Variants in PARD3B observed in about 807,000 individuals in gnomAD.
PARD3B encodes the protein partitioning defective 3 homolog B.
Under a neutral mutation model 130.2 loss-of-function variants are expected in PARD3B, and 103 were observed. That is an observed-to-expected ratio of 0.79 (90% CI 0.67 to 0.93). The LOEUF is 0.93. Among genes scored for constraint, PARD3B ranks in the 40% least tolerant of loss-of-function variants. The pLI is 0.00. For synonymous variants in PARD3B, 583 were observed against 553.2 expected (o/e 1.05, Z -0.76); for missense variants, 1,609 against 1,499.2 (o/e 1.07, Z -1.21).
rs2051289906 is a variant in PARD3B, at chr2:205,525,346, G to A, written c.3180+25315G>A. On this transcript the variant is annotated intron_variant, in intron 21 of 22. Transcript: ENST00000406610. This position sits in a 1 kb window ranked among gnomAD's most constrained non-coding sequence, Gnocchi z 4.2. ...GTCACATGTCACCATAACTTCAGTA[G>A]GGCTAAGCTGGAAAGGCCAAAGAAA... is the stretch of plus-strand genomic sequence containing the variant. Among the ~76,000 whole-genome samples the A allele has an allele frequency of 6.6e-6, 1 of 152,104 alleles. No individual in the cohort carries two copies. The highest frequency in any genetic ancestry group is 6.5e-5 in the Admixed American group (1 of 15,268).
At chr2:205,586,827 CA>C (rs2054213348) in intron 22 of PARD3B, among the ~76,000 whole-genome samples, 1 of 151,996 alleles carries the variant, frequency 6.6e-6, no homozygotes, top group Non-Finnish European at 1.5e-5. Flanking sequence ...AAGGCCATTG[CA>C]AAATTTCAGT....
chr2:205,121,581 T>C lies in PARD3B; in HGVS notation c.807-10T>C. 1 of 1,608,546 alleles carries C rather than the reference T, an allele frequency of 6.2e-7. No homozygotes were observed. The highest frequency in any genetic ancestry group is 8.5e-7 in the Non-Finnish European group (1 of 1,175,932). On this transcript the variant is annotated splice_polypyrimidine_tract_variant and intron_variant, in intron 7 of 22. Transcript: ENST00000406610. This position sits in a 1 kb window ranked among gnomAD's most constrained non-coding sequence, Gnocchi z 5.0. ...CAGGGTCATCATACATTTATCAACTTTCTTTCCAGGGCTCAAGATGTCTTC... is the reference window on the plus strand; with the variant it reads ...CAGGGTCATCATACATTTATCAACTCTCTTTCCAGGGCTCAAGATGTCTTC...
intron 22 of PARD3B, among the ~76,000 whole-genome samples, chr2:205,594,114 CA>C (rs1420832527): frequency 1.3e-5 from 2 of 152,116 alleles, no homozygotes; most frequent in Non-Finnish European, 2.9e-5. Flanking sequence ...CTGGCAGGGC[CA>C]TGAAATTATA....
intron 22 of PARD3B, among the ~76,000 whole-genome samples, chr2:205,586,514 G>T (rs1486270878): frequency 6.6e-6 from 1 of 152,158 alleles, no homozygotes; most frequent in East Asian, 1.9e-4. Flanking sequence ...GGTCTGGCCT[G>T]ACCTTTCCTT....
In PARD3B at chr2:205,241,308, A is replaced by G. The variant is rs539223131; in HGVS notation, c.2141-4470A>G. Among the ~76,000 whole-genome samples the G allele has an allele frequency of 3.3e-5, 5 of 152,286 alleles. No homozygotes were observed. The East Asian group carries it at 9.6e-4, about 29-fold the overall frequency. On this transcript the variant is annotated intron_variant, in intron 15 of 22. Transcript: ENST00000406610. The surrounding 1 kb of genome is among the most constrained non-coding windows in gnomAD (Gnocchi z 4.2). The stretch of plus-strand genomic sequence containing the variant: ...CTTGAATTGAATATGAGGAAGCATG[A>G]GGTTAGTCTAGAAATCCTATTATCT...
At chr2:205,059,564 T>C (rs1447398102) in intron 4 of PARD3B, among the ~76,000 whole-genome samples, 2 of 152,076 alleles carry the variant, frequency 1.3e-5, no homozygotes, top group African/African-American at 4.8e-5. Context: ...TTCCCACTGA[T>C]GGCATGCTGG....
intron 19 of PARD3B, among the ~76,000 whole-genome samples, chr2:205,426,692 G>A (rs1169648823): frequency 6.6e-6 from 1 of 152,172 alleles, no homozygotes; most frequent in Admixed American, 6.5e-5. Context: ...GTCAGTCAGA[G>A]CTATGCTATT....
intron 22 of PARD3B, among the ~76,000 whole-genome samples, chr2:205,602,160 T>G (rs2054812362): frequency 6.6e-6 from 1 of 152,234 alleles, no homozygotes; most frequent in Non-Finnish European, 1.5e-5. Context: ...TCAGTTCTAT[T>G]TGTGTGATGA....
chr2:204,910,761 C>T (rs775904785), intron 2 of PARD3B, among the ~76,000 whole-genome samples: 3 of 152,156 alleles, frequency 2.0e-5, no homozygotes, highest in Admixed American at 6.5e-5. Flanking sequence ...CCTGCCTCAG[C>T]CTCATGAGTA....
intron 2 of PARD3B, among the ~76,000 whole-genome samples, chr2:204,734,954 TA>T (rs991950538): frequency 6.6e-6 from 1 of 151,876 alleles, no homozygotes; most frequent in African/African-American, 2.4e-5. Flanking sequence ...GGAAAAGAGG[TA>T]GGGGTGATGG....
chr2:204,987,088 A>G lies in PARD3B; in HGVS notation c.394+21765A>G, dbSNP rs921552145. 3.3e-5 allele frequency among the ~76,000 whole-genome samples: 5 copies of G among 152,188 alleles called. No individual in the cohort carries two copies. In the East Asian group the frequency reaches 5.8e-4, roughly 18 times the overall value. ...ATTAAATGGCACTCTCATGTACTAT[A>G]AGAGTTAACACAACTTCCAAAGGTG... On this transcript the variant is annotated intron_variant, in intron 3 of 22. Coordinates refer to ENST00000406610, the MANE Select transcript of PARD3B (RefSeq NM_001302769.2).
At position 205,301,391 on chromosome 2, in the gene PARD3B, A is replaced by T; in HGVS notation, c.2393-73A>T. Reference sequence around the variant, plus strand: ...TGTTATTCATTCTTTTGCATTTTACATGTTAGCGTTTCTCTGTATACTAAC... The same window carrying T: ...TGTTATTCATTCTTTTGCATTTTACTTGTTAGCGTTTCTCTGTATACTAAC... On this transcript the variant is annotated intron_variant, in intron 17 of 22. Coordinates refer to ENST00000406610, the MANE Select transcript of PARD3B (RefSeq NM_001302769.2). The surrounding 1 kb of genome is among the most constrained non-coding windows in gnomAD (Gnocchi z 5.2). The T allele has an allele frequency of 6.5e-7, 1 of 1,540,814 alleles. No individual in the cohort carries two copies. The highest frequency in any genetic ancestry group is 8.7e-7 in the Non-Finnish European group (1 of 1,150,168).
chr2:204,899,472 T>A (rs1034762387), intron 2 of PARD3B, among the ~76,000 whole-genome samples: 3 of 152,180 alleles, frequency 2.0e-5, no homozygotes, highest in African/African-American at 7.2e-5. Context: ...TACCACTGAT[T>A]GCGTAAGCAT....
intron 20 of PARD3B, among the ~76,000 whole-genome samples, chr2:205,494,918 G>C (rs2049868700): frequency 6.6e-6 from 1 of 152,160 alleles, no homozygotes; most frequent in Non-Finnish European, 1.5e-5. Context: ...GCTTAAATGA[G>C]ATGAGGTATG....
chr2:204,986,260 C>A (rs922438383), intron 3 of PARD3B, among the ~76,000 whole-genome samples: 1 of 152,088 alleles, frequency 6.6e-6, no homozygotes. Context: ...CAGGGCCTGC[C>A]AGTATGTAAC....
chr2:205,346,342 G>C (rs938867052), intron 18 of PARD3B, among the ~76,000 whole-genome samples: 1 of 151,936 alleles, frequency 6.6e-6, no homozygotes, highest in African/African-American at 2.4e-5. Flanking sequence ...CCTCCAGCTT[G>C]TCATAGTCTC....
intron 2 of PARD3B, among the ~76,000 whole-genome samples, chr2:204,706,646 T>G (rs1000737332): frequency 3.3e-5 from 5 of 152,182 alleles, no homozygotes; most frequent in Admixed American, 2.6e-4. Context: ...AGGGTGATGA[T>G]CTCGGTCACA....
intron 10 of PARD3B, among the ~76,000 whole-genome samples, chr2:205,145,542 A>T (rs1162296543): frequency 6.6e-6 from 1 of 152,202 alleles, no homozygotes; most frequent in East Asian, 1.9e-4. Flanking sequence ...TGATGTAGAA[A>T]TAATGGAACT....
At chr2:205,508,046 C>T (rs1036544501) in intron 21 of PARD3B, among the ~76,000 whole-genome samples, 1 of 152,148 alleles carries the variant, frequency 6.6e-6, no homozygotes, top group Non-Finnish European at 1.5e-5. Flanking sequence ...ATTGTCTCAG[C>T]AATACTCTGG....
Sources: allele counts gnomAD v4.1 joint callset (sites outside exome capture counted in the v4.1 genomes callset), GRCh38; gene constraint gnomAD v4.1.1; non-coding constraint Gnocchi (gnomAD v3.1); transcripts MANE v1.5; gene names NCBI Gene and HGNC (gene_info 2026-07-23, HGNC 2026-07-21).